GNAO1: variants seen among roughly 807,000 people sequenced by gnomAD.
GNAO1 encodes the protein guanine nucleotide-binding protein G(o) subunit alpha.
For synonymous variants in GNAO1, 164 were observed against 180.7 expected (o/e 0.91, Z 0.74); for missense variants, 166 against 478.7 (o/e 0.35, Z 6.10).
intron 3 of GNAO1, 134 bp from the exon 4 acceptor site, chr16:56,328,497 C>A: frequency 2.3e-6 from 2 of 855,608 alleles, no homozygotes; most frequent in Non-Finnish European, 1.8e-6. Context: ...CTGGAGCAGG[C>A]TGTGGGCTGA....
At chr16:56,272,327 A>G (rs559016385) in intron 2 of GNAO1, among the ~76,000 whole-genome samples, 2 of 152,178 alleles carry the variant, frequency 1.3e-5, no homozygotes, top group South Asian at 2.1e-4. Flanking sequence ...AAAAAAGGAT[A>G]TTTCTTGTTG....
chr16:56,322,907 C>G (rs114588042), intron 3 of GNAO1, among the ~76,000 whole-genome samples: 320 of 152,234 alleles, frequency 2.1e-3, no homozygotes, highest in African/African-American at 7.7e-3. Flanking sequence ...GCAGACGTGG[C>G]TGAGCACCAA....
chr16:56,261,955 C>T (rs1434656826), intron 2 of GNAO1, among the ~76,000 whole-genome samples: 1 of 152,216 alleles, frequency 6.6e-6, no homozygotes, highest in African/African-American at 2.4e-5. Context: ...CGTGTTGTCT[C>T]ATGTCACTGA....
At chr16:56,289,994 C>T (rs1009275665) in intron 3 of GNAO1, among the ~76,000 whole-genome samples, 10 of 152,230 alleles carry the variant, frequency 6.6e-5, no homozygotes, top group Non-Finnish European at 1.0e-4. Flanking sequence ...TGCTTAAAAG[C>T]GCTCAGTGGC....
chr16:56,300,508 C>T (rs1258818018), intron 3 of GNAO1: 1 of 152,100 alleles, frequency 6.6e-6, no homozygotes, highest in Non-Finnish European at 1.5e-5. Context: ...CTCATAACAC[C>T]CTGAGAAGTT....
In GNAO1 at chr16:56,357,054, T is replaced by TG. The variant is rs1291590676; in HGVS notation, c.*982dup. ...AAAAAAATTTTTAAATACCACAAGA[T>TG]GGAAAAAAAAAACAAAAAAATTTAA... is the stretch of plus-strand genomic sequence containing the variant. On this transcript the variant is annotated 3_prime_UTR_variant, in exon 9 of 9. Transcript: ENST00000262493. 9 of 143,978 alleles carry TG rather than the reference T, an allele frequency of 6.3e-5. No individual in the cohort carries two copies. The highest frequency in any genetic ancestry group is 2.0e-4 in the African/African-American group (8 of 39,684). The allele number at this position is 143,978 out of a possible 1,614,324, so 8.9% of individuals were successfully genotyped here.
chr16:56,305,138 C>T (rs2037381289), intron 3 of GNAO1, among the ~76,000 whole-genome samples: 1 of 152,182 alleles, frequency 6.6e-6, no homozygotes, highest in South Asian at 2.1e-4. Flanking sequence ...TTCAGCTCAC[C>T]CCGCCAGACC....
In GNAO1 at chr16:56,191,951, C is replaced by A. The variant is rs2036178206; in HGVS notation, c.-285C>A. On this transcript the variant is annotated 5_prime_UTR_variant, in exon 1 of 9. Transcript: ENST00000262493. This position sits in a 1 kb window ranked among gnomAD's most constrained non-coding sequence, Gnocchi z 4.7. ...CTGCAGTCCGCGCCTCCTCGGCCCG[C>A]GGGCGCCTCCTCCCTTGGCTCCGGA... is the stretch of plus-strand genomic sequence containing the variant. 2.0e-6 allele frequency: 1 copy of A among 491,594 alleles called. No homozygotes were observed. The highest frequency in any genetic ancestry group is 2.9e-5 in the South Asian group (1 of 34,778). The allele number at this position is 491,594 out of a possible 1,614,324, so 30.5% of individuals were successfully genotyped here.
intron 3 of GNAO1, among the ~76,000 whole-genome samples, chr16:56,325,573 C>T (rs1302820991): frequency 6.6e-6 from 1 of 152,174 alleles, no homozygotes; most frequent in Non-Finnish European, 1.5e-5. Flanking sequence ...GTGTATGCGA[C>T]TCTCAGACCC....
In GNAO1 at chr16:56,329,489, G is replaced by A. The variant is rs144165229; in HGVS notation, c.464+698G>A. On this transcript the variant is annotated intron_variant, in intron 4 of 8. Coordinates refer to ENST00000262493, the MANE Select transcript of GNAO1 (RefSeq NM_020988.3). ...GCAGGTCACAGGTCCACTGGCTGCA[G>A]CTTTATCACTCTAGGCATCTCCAAG... Among the ~76,000 whole-genome samples the A allele has an allele frequency of 2.4e-4, 36 of 152,090 alleles. No homozygotes were observed. In the East Asian group the frequency reaches 6.0e-3, roughly 25 times the overall value.
intron 2 of GNAO1, among the ~76,000 whole-genome samples, chr16:56,259,774 A>G (rs1182474256): frequency 2.0e-5 from 3 of 152,232 alleles, no homozygotes; most frequent in African/African-American, 7.2e-5. Context: ...TTTATGACTC[A>G]GGGCCAGTGT....
chr16:56,229,269 A>C lies in GNAO1; in HGVS notation c.161+36653A>C, dbSNP rs561446769. 3.9e-5 allele frequency among the ~76,000 whole-genome samples: 6 copies of C among 152,272 alleles called. No individual in the cohort carries two copies. In the South Asian group the frequency reaches 6.2e-4, roughly 16 times the overall value. On this transcript the variant is annotated intron_variant, in intron 2 of 8. Coordinates refer to ENST00000262493, the MANE Select transcript of GNAO1 (RefSeq NM_020988.3). The stretch of plus-strand genomic sequence containing the variant: ...ACCCAGGCTGGAGTGCAGTGGCATA[A>C]TCTCAGCTCACTGCGACTTCCACCT...
At chr16:56,216,543 C>T (rs78826226) in intron 2 of GNAO1, among the ~76,000 whole-genome samples, 2,643 of 152,346 alleles carry the variant, frequency 0.017, 48 homozygotes, top group South Asian at 0.052. Flanking sequence ...AACCTGCCTG[C>T]CATTGTGAAT....
intron 6 of GNAO1, chr16:56,343,782 A>G: frequency 6.2e-7 from 1 of 1,613,596 alleles, no homozygotes; most frequent in Non-Finnish European, 8.5e-7. Context: ...CCTTCACAGA[A>G]GCCGTGGCTT....
chr16:56,302,885 T>C (rs564041932), intron 3 of GNAO1: 1 of 152,388 alleles, frequency 6.6e-6, no homozygotes, highest in Non-Finnish European at 1.5e-5. Context: ...AGCTGCTTTA[T>C]AATTAATTGA....
At chr16:56,316,377 TG>T (rs1419317920) in intron 3 of GNAO1, among the ~76,000 whole-genome samples, 1 of 152,180 alleles carries the variant, frequency 6.6e-6, no homozygotes, top group Non-Finnish European at 1.5e-5. Context: ...CTCATAGGCA[TG>T]ACCAGCAACC....
At chr16:56,350,951 A>G (rs1234970965) in intron 6 of GNAO1, among the ~76,000 whole-genome samples, 1 of 151,728 alleles carries the variant, frequency 6.6e-6, no homozygotes, top group African/African-American at 2.4e-5. Context: ...GGATGCACAC[A>G]GGCATGCACA....
chr16:56,292,718 C>T (rs1261914776), intron 3 of GNAO1, among the ~76,000 whole-genome samples: 1 of 152,194 alleles, frequency 6.6e-6, no homozygotes, highest in Non-Finnish European at 1.5e-5. Flanking sequence ...ATGTTCATGG[C>T]TTATGAGCTG....
At chr16:56,195,145 G>A (rs980324493) in intron 2 of GNAO1, among the ~76,000 whole-genome samples, 5 of 138,052 alleles carry the variant, frequency 3.6e-5, no homozygotes, top group African/African-American at 1.1e-4. Context: ...AACAGATTTT[G>A]TAGGTAAAAC....
Sources: gnomAD v4.1 joint callset for allele counts (sites outside exome capture counted in the v4.1 genomes callset) on GRCh38, gnomAD v4.1.1 for gene constraint, Gnocchi (gnomAD v3.1) non-coding constraint, MANE v1.5 for transcripts, NCBI Gene and HGNC (gene_info 2026-07-23, HGNC 2026-07-21) for gene names.